The following HEXIM2 variants were observed in gnomAD, a reference collection of about 807,000 sequenced individuals.
The protein encoded by HEXIM2 is protein HEXIM2.
For synonymous variants in HEXIM2, 159 were observed against 162.7 expected, an observed-to-expected ratio of 0.98 and a Z score of 0.17; for missense variants, 413 against 390.8, an observed-to-expected ratio of 1.06 and a Z score of -0.48.
intron 3 of HEXIM2, among the ~76,000 whole-genome samples, chr17:45,167,721 A>C (rs1278596534): frequency 2.0e-5 from 3 of 150,476 alleles, no homozygotes; most frequent in Non-Finnish European, 4.4e-5. Flanking sequence ...CCGCGTCCCG[A>C]CTAGCTGGGA....
intron 3 of HEXIM2, among the ~76,000 whole-genome samples, chr17:45,163,784 G>A (rs1195874327): frequency 6.6e-6 from 1 of 151,906 alleles, no homozygotes; most frequent in Non-Finnish European, 1.5e-5. Context: ...AGGATGCAGA[G>A]GTTGCAGTGA....
In HEXIM2 at chr17:45,162,001, A is replaced by G; in HGVS notation, c.-223A>G. ...GTCGCACAGAAAGGCACACAGATGTAGTGGTGTGCATAGCCCTTGACAGCG... is the reference window on the plus strand; with the variant it reads ...GTCGCACAGAAAGGCACACAGATGTGGTGGTGTGCATAGCCCTTGACAGCG... On this transcript the variant is annotated 5_prime_UTR_variant, in exon 1 of 4. The change abolishes the stop of an existing upstream ORF in the 5' untranslated region. Coordinates refer to ENST00000589230, the MANE Select transcript of HEXIM2 (RefSeq NM_001303441.2). 1.0e-6 allele frequency: 1 copy of G among 985,366 alleles called. No individual in the cohort carries two copies. Among genetic ancestry groups the G allele is most frequent in the South Asian group, 4.7e-5 (1 of 21,326 alleles). 61.0% of individuals were successfully genotyped at this position (985,366 alleles called of 1,614,324 possible). A position where few individuals can be genotyped will look rare whatever the true frequency, so the allele number is the denominator to read the frequency against.
At chr17:45,168,728 T>A in intron 3 of HEXIM2, 1 of 369,282 alleles carries the variant, frequency 2.7e-6, no homozygotes, top group East Asian at 4.6e-5. Flanking sequence ...TGGACAGTAT[T>A]TATGGAACTC....
upstream of HEXIM2, chr17:45,161,432 C>T (rs1278715173): frequency 1.7e-5 from 3 of 175,246 alleles, no homozygotes; most frequent in East Asian, 1.5e-4. Flanking sequence ...CTCCCCGCGC[C>T]CGGACCACCC....
At chr17:45,167,964 CT>C (rs2042907406) in intron 3 of HEXIM2, among the ~76,000 whole-genome samples, 1 of 151,652 alleles carries the variant, frequency 6.6e-6, no homozygotes, top group African/African-American at 2.4e-5. Flanking sequence ...GTAATCTTGG[CT>C]CACTGCAACT....
chr17:45,164,239 T>C (rs1329181809), intron 3 of HEXIM2, among the ~76,000 whole-genome samples: 1 of 151,976 alleles, frequency 6.6e-6, no homozygotes, highest in Admixed American at 6.6e-5. Context: ...GCGGATCACC[T>C]GAGGTCACGA....
In HEXIM2 at chr17:45,169,211, G is replaced by C; in HGVS notation, c.263G>C (p.Arg88Pro). 1 of 1,613,516 alleles carries C rather than the reference G, an allele frequency of 6.2e-7. No homozygotes were observed. The highest frequency in any genetic ancestry group is 8.5e-7 in the Non-Finnish European group (1 of 1,180,030). The change falls in exon 4 of 4, where the codon CGG becomes CCG. Residue 88 changes from arginine (R) to proline (P), a missense_variant. Coordinates refer to ENST00000589230, the MANE Select transcript of HEXIM2 (RefSeq NM_001303441.2). ...TGCTCAGCGGAGGCTGTGCTGGCCC[G>C]GAAGAAACACCGTCGGCGGCCATCG... ...GGCSAEAVLA[R>P]KKHRRRPSKR...
At chr17:45,166,092 C>T (rs557377319) in intron 3 of HEXIM2, among the ~76,000 whole-genome samples, 5 of 152,134 alleles carry the variant, frequency 3.3e-5, no homozygotes, top group East Asian at 1.9e-4. Flanking sequence ...CCACCACGCC[C>T]GGCCCGCTGC....
At chr17:45,164,806 G>C (rs1353468441) in intron 3 of HEXIM2, among the ~76,000 whole-genome samples, 1 of 152,176 alleles carries the variant, frequency 6.6e-6, no homozygotes, top group African/African-American at 2.4e-5. Context: ...TTCTTCCTTA[G>C]TCCACGACTC....
At position 45,169,663 on chromosome 17, in the gene HEXIM2, GCGTGCAC is replaced by G. The variant is rs1470783089; in HGVS notation, c.718_724del (p.Cys240AlafsTer76). 19 of 1,534,114 alleles carry G rather than the reference GCGTGCAC, an allele frequency of 1.2e-5. No individual in the cohort carries two copies. The highest frequency in any genetic ancestry group is 4.1e-5 in the Admixed American group (2 of 48,966). ...GACTAGGAGGCTGCAGCAGCTGCAG[GCGTGCAC>G]CGGCCAGCAGTCCTGCCGCCAGGTG... On this transcript the variant is annotated frameshift_variant, in exon 4 of 4. Coordinates refer to ENST00000589230, the MANE Select transcript of HEXIM2 (RefSeq NM_001303441.2). LOFTEE classifies it low-confidence loss of function (END_TRUNC).
rs140049495 is a variant in HEXIM2 at position 45,169,474 on chromosome 17, G to A, written c.526G>A (p.Gly176Arg). ...HPGSSGESEA[G>R]DSDGRGRAHG... Reference sequence around the variant, plus strand: ...AGGTTCCAGTGGGGAGAGTGAGGCCGGGGACAGTGATGGGCGGGGCCGAGC... The same window carrying A: ...AGGTTCCAGTGGGGAGAGTGAGGCCAGGGACAGTGATGGGCGGGGCCGAGC... Residue 176 changes from glycine to arginine, a missense_variant, in exon 4 of 4, where the codon GGG becomes AGG. Gly to Arg is a moderately radical substitution (Grantham distance 125). Transcript: ENST00000589230. The A allele has an allele frequency of 6.2e-6, 10 of 1,613,466 alleles. No individual in the cohort carries two copies. In the African/African-American group the frequency reaches 1.1e-4, roughly 17 times the overall value.
intron 3 of HEXIM2, 151 bp from the exon 4 acceptor site, chr17:45,168,864 G>A: frequency 1.3e-6 from 1 of 757,746 alleles, no homozygotes; most frequent in Non-Finnish European, 2.2e-6. Flanking sequence ...AGGTCTCTTT[G>A]TAAACAAATG....
chr17:45,162,683 A>G, intron 2 of HEXIM2, 48 bp downstream of exon 2: 1 of 1,591,476 alleles, frequency 6.3e-7, no homozygotes, highest in South Asian at 1.1e-5. Context: ...TGGGCAAACA[A>G]TTCTGGGCAG....
At position 45,166,580 on chromosome 17, in the gene HEXIM2, CAG is replaced by C. The variant is rs199901585; in HGVS notation, c.67-2433_67-2432del. ...GAGATGCGTTCTCACATGAGGAAGACAGATGTTAAATGGCCATATGCTAAATG... is the reference window on the plus strand; with the variant it reads ...GAGATGCGTTCTCACATGAGGAAGACATGTTAAATGGCCATATGCTAAATG... On this transcript the variant is annotated intron_variant, in intron 3 of 3. Coordinates refer to ENST00000589230, the MANE Select transcript of HEXIM2 (RefSeq NM_001303441.2). Among the ~76,000 whole-genome samples the C allele has an allele frequency of 6.0e-3, 913 of 152,226 alleles. 14 individuals are homozygous for C. The highest frequency in any genetic ancestry group is 0.022 in the Admixed American group (331 of 15,264).
chr17:45,163,741 C>G (rs2042766228), intron 3 of HEXIM2, among the ~76,000 whole-genome samples: 1 of 151,582 alleles, frequency 6.6e-6, no homozygotes, highest in South Asian at 2.1e-4. Context: ...ACCAGCTACT[C>G]AGGAGGCTGA....
chr17:45,165,414 A>C (rs2042813848), intron 3 of HEXIM2, among the ~76,000 whole-genome samples: 1 of 152,054 alleles, frequency 6.6e-6, no homozygotes, highest in African/African-American at 2.4e-5. Flanking sequence ...GTGTGCATGG[A>C]CCACGCTCAC....
rs573987051 is a variant in HEXIM2 at position 45,167,724 on chromosome 17, A to G, written c.67-1291A>G. On this transcript the variant is annotated intron_variant, in intron 3 of 3. Transcript: ENST00000589230. ...TCACTGCAAGCTCCGCGTCCCGACT[A>G]GCTGGGACTACAGGCGCCCGCCATC... Among the ~76,000 whole-genome samples the G allele has an allele frequency of 1.4e-4, 21 of 151,638 alleles. No individual in the cohort carries two copies. In the East Asian group the frequency reaches 3.3e-3, roughly 24 times the overall value.
At chr17:45,160,714 T>C (rs1357566311), upstream of HEXIM2, 1 of 384,354 alleles carries the variant, frequency 2.6e-6, no homozygotes, top group Admixed American at 3.0e-5. Context: ...TTTAGGCGTT[T>C]CACCAAGAGG....
chr17:45,168,968 A>G, intron 3 of HEXIM2, 47 bp from the exon 4 acceptor site: 1 of 1,532,492 alleles, frequency 6.5e-7, no homozygotes, highest in African/African-American at 1.4e-5. Flanking sequence ...TTCCACCTCC[A>G]AGGACAGGCT....
Sources: allele counts gnomAD v4.1 joint callset (sites outside exome capture counted in the v4.1 genomes callset), GRCh38; gene constraint gnomAD v4.1.1; transcripts MANE v1.5; gene names NCBI Gene and HGNC (gene_info 2026-07-23, HGNC 2026-07-21).